Variants in DNAAF9 observed in about 807,000 individuals in gnomAD.
DNAAF9 encodes shulin.
Under a neutral mutation model 167.0 loss-of-function variants are expected in DNAAF9, and 90 were observed. That is an observed-to-expected ratio of 0.54 (90% CI 0.45 to 0.64). DNAAF9 has a LOEUF of 0.64. Ranked by LOEUF, DNAAF9 falls within the 30% of genes least tolerant of loss-of-function variation. The probability of loss-of-function intolerance (pLI) is 0.00; values close to 1 mark genes in which losing one functional copy is unlikely to be tolerated. For synonymous variants in DNAAF9, 491 were observed against 508.8 expected (o/e 0.96, Z 0.47); for missense variants, 1,315 against 1,442.2 (o/e 0.91, Z 1.43).
intron 25 of DNAAF9, among the ~76,000 whole-genome samples, chr20:3,291,877 C>G (rs1165268933): frequency 6.6e-6 from 1 of 152,136 alleles, no homozygotes; most frequent in Non-Finnish European, 1.5e-5. Flanking sequence ...CATGTTTATC[C>G]TCCTCCTATC....
At chr20:3,316,926 G>A in intron 17 of DNAAF9, 133 bp from the exon 18 acceptor site, 1 of 478,550 alleles carries the variant, frequency 2.1e-6, no homozygotes, top group Non-Finnish European at 3.5e-6. Context: ...ACAGAATCTT[G>A]TTCTGTCACC....
At chr20:3,402,992 C>A (rs2084009264) in intron 1 of DNAAF9, among the ~76,000 whole-genome samples, 3 of 152,104 alleles carry the variant, frequency 2.0e-5, no homozygotes, top group Admixed American at 2.0e-4. Context: ...ATTTTTTTAT[C>A]ATTTCTTCAT....
At chr20:3,405,942 C>G (rs1221269202) in intron 1 of DNAAF9, among the ~76,000 whole-genome samples, 1 of 152,148 alleles carries the variant, frequency 6.6e-6, no homozygotes, top group Non-Finnish European at 1.5e-5. Flanking sequence ...AGAAATGTTG[C>G]AAAGGATTGG....
intron 3 of DNAAF9, among the ~76,000 whole-genome samples, chr20:3,377,971 G>C (rs1037055286): frequency 1.3e-5 from 2 of 152,128 alleles, no homozygotes; most frequent in Admixed American, 6.6e-5. Flanking sequence ...AGTGACTTTA[G>C]AACTTTCAAA....
intron 21 of DNAAF9, among the ~76,000 whole-genome samples, chr20:3,301,486 C>T (rs1231682890): frequency 6.6e-6 from 1 of 152,004 alleles, no homozygotes; most frequent in Admixed American, 6.5e-5. Context: ...CCACGCCCAG[C>T]CCCTTATCCT....
chr20:3,287,908 T>C, intron 26 of DNAAF9, 118 bp from the exon 27 acceptor site: 2 of 908,586 alleles, frequency 2.2e-6, no homozygotes, highest in Non-Finnish European at 3.5e-6. Context: ...AGTGAATCCA[T>C]TCAGGAGAAA....
At chr20:3,331,871 G>T (rs752932486) in intron 11 of DNAAF9, among the ~76,000 whole-genome samples, 9 of 152,116 alleles carry the variant, frequency 5.9e-5, no homozygotes, top group Non-Finnish European at 1.2e-4. Context: ...ATGGGGTTTT[G>T]CCATGTTGGC....
chr20:3,349,085 G>A (rs1301978575), intron 7 of DNAAF9, among the ~76,000 whole-genome samples: 1 of 150,334 alleles, frequency 6.7e-6, no homozygotes, highest in African/African-American at 2.5e-5. Flanking sequence ...TAGGAGCAGT[G>A]GTTCACATCT....
chr20:3,382,498 C>T lies in DNAAF9; in HGVS notation c.92G>A (p.Arg31Gln), dbSNP rs2083670100. 1.9e-6 allele frequency: 3 copies of T among 1,613,594 alleles called. No individual in the cohort carries two copies. The highest frequency in any genetic ancestry group is 2.5e-6 in the Non-Finnish European group (3 of 1,179,620). The change falls in exon 2 of 37, where the codon CGA becomes CAA. Residue 31 changes from arginine to glutamine, a missense_variant. Arg to Gln is a conservative substitution (Grantham distance 43, BLOSUM62 1). Around this residue, in one of 2 missense-constraint regions of DNAAF9, gnomAD observed 981 missense variants for 1,012.5 expected, o/e 0.97. Coordinates refer to ENST00000252032, the MANE Select transcript of DNAAF9 (RefSeq NM_001009984.3). ...SRGSPSVSCSRLRQVQSILTQ... is the reference protein window; with the variant it reads ...SRGSPSVSCSQLRQVQSILTQ... ...CAGGATGCTCTGAACCTGCCGAAGT[C>T]GACTGCAGCTGCAACAAGAACAGAA...
In DNAAF9 at chr20:3,373,935, T is replaced by C. The variant is rs137859700; in HGVS notation, c.612+113A>G. On this transcript the variant is annotated intron_variant, in intron 6 of 36. Transcript: ENST00000252032. ...AAGTCTCCTAACTTGCTCCATGCCC[T>C]TGTGAGGTAACTGCCAGCTTTTTGG... 582 of 672,276 alleles carry C rather than the reference T, an allele frequency of 8.7e-4. 3 individuals carry two copies. In the African/African-American group the frequency reaches 9.4e-3, roughly 11 times the overall value. The allele number at this position is 672,276 out of a possible 1,614,324, so 41.6% of individuals were successfully genotyped here.
intron 10 of DNAAF9, among the ~76,000 whole-genome samples, chr20:3,337,445 T>TG (rs1555793651): frequency 2.7e-5 from 4 of 150,524 alleles, no homozygotes; most frequent in African/African-American, 9.7e-5. Flanking sequence ...TTTTTGTTTT[T>TG]TTTTTTTTTG....
In DNAAF9 at chr20:3,316,704, C is replaced by T; in HGVS notation, c.1539+19G>A. ...TTCTCCACACGTAGGTCCACTTCCA[C>T]CTGATGAATGACACTAACCAGCCAG... On this transcript the variant is annotated intron_variant, in intron 18 of 36. Coordinates refer to ENST00000252032, the MANE Select transcript of DNAAF9 (RefSeq NM_001009984.3). 2 of 1,593,192 alleles carry T rather than the reference C, an allele frequency of 1.3e-6. No individual in the cohort carries two copies. Among genetic ancestry groups the T allele is most frequent in the Non-Finnish European group, 1.7e-6 (2 of 1,161,130 alleles).
chr20:3,273,289 TA>T (rs1019967021), intron 29 of DNAAF9, among the ~76,000 whole-genome samples: 1 of 152,176 alleles, frequency 6.6e-6, no homozygotes, highest in African/African-American at 2.4e-5. Flanking sequence ...AGTGTTAAGT[TA>T]AAAAAATTAG....
intron 3 of DNAAF9, among the ~76,000 whole-genome samples, chr20:3,379,510 A>G (rs1600892980): frequency 1.3e-5 from 2 of 151,490 alleles, no homozygotes; most frequent in South Asian, 4.2e-4. Context: ...AGGAGACTCC[A>G]CCAGGAGGCA....
At chr20:3,342,971 C>A (rs2070117022) in intron 9 of DNAAF9, among the ~76,000 whole-genome samples, 1 of 152,144 alleles carries the variant, frequency 6.6e-6, no homozygotes, top group African/African-American at 2.4e-5. Context: ...GCATATGTCA[C>A]ATGCATAATT....
intron 1 of DNAAF9, among the ~76,000 whole-genome samples, chr20:3,402,970 A>C (rs886394539): frequency 3.9e-5 from 6 of 152,310 alleles, no homozygotes; most frequent in African/African-American, 1.4e-4. Context: ...TTTGGTTCTA[A>C]GGAATGTATT....
intron 16 of DNAAF9, among the ~76,000 whole-genome samples, chr20:3,319,492 A>C (rs1176769356): frequency 2.6e-5 from 4 of 152,168 alleles, no homozygotes; most frequent in Admixed American, 6.5e-5. Context: ...CTAGAGCTAG[A>C]GTCTGTGATG....
chr20:3,350,111 G>T (rs2070284510), intron 7 of DNAAF9, among the ~76,000 whole-genome samples: 1 of 146,784 alleles, frequency 6.8e-6, no homozygotes, highest in South Asian at 2.1e-4. Flanking sequence ...TCTACTTGCT[G>T]CCCAGACTAT....
chr20:3,269,830 C>T (rs1023988652), intron 30 of DNAAF9, among the ~76,000 whole-genome samples: 5 of 151,798 alleles, frequency 3.3e-5, no homozygotes, highest in African/African-American at 9.7e-5. Context: ...TGGTGGCGGG[C>T]GCCTGTAGTC....
Sources: gnomAD v4.1 joint callset for allele counts (sites outside exome capture counted in the v4.1 genomes callset) on GRCh38, gnomAD v4.1.1 for gene constraint, gnomAD v4.1.1 regional missense constraint, MANE v1.5 for transcripts, NCBI Gene and HGNC (gene_info 2026-07-23, HGNC 2026-07-21) for gene names.